The following NELFE variants were observed in gnomAD, a reference collection of about 807,000 sequenced individuals.
NELFE encodes negative elongation factor complex member E.
A neutral mutation model predicts 55.5 loss-of-function variants in NELFE; 26 were observed. That is an observed-to-expected ratio of 0.47 (90% confidence interval 0.34 to 0.65). The LOEUF (loss-of-function observed/expected upper bound fraction) is 0.65. NELFE is among the 30% of genes least tolerant of loss of function. NELFE has a pLI of 0.01. For synonymous variants in NELFE, 162 were observed against 178.0 expected, an observed-to-expected ratio of 0.91 and a Z score of 0.72; for missense variants, 403 against 506.9, an observed-to-expected ratio of 0.80 and a Z score of 1.97.
Position 31,952,312 on chromosome 6 carries a change from C to T in NELFE, c.1132G>A (p.Asp378Asn). ...SDDVYKENLV[D>N]GF is the part of the protein sequence containing the mutation. ...TCCAGCTCTGTTCCCTAGAAGCCATCCACAAGGTTTTCCTTGTAGACGTCA... is the reference window on the plus strand; with the variant it reads ...TCCAGCTCTGTTCCCTAGAAGCCATTCACAAGGTTTTCCTTGTAGACGTCA... Residue 378 changes from aspartate to asparagine, a missense_variant, in exon 11 of 11, where the codon GAT becomes AAT. Asp to Asn is a conservative substitution (Grantham distance 23). Coordinates refer to ENST00000375429, the MANE Select transcript of NELFE (RefSeq NM_002904.6). The T allele has an allele frequency of 6.2e-7, 1 of 1,613,788 alleles. No homozygotes were observed. The highest frequency in any genetic ancestry group is 8.5e-7 in the Non-Finnish European group (1 of 1,179,748).
rs1771825212 is a variant in NELFE at position 31,952,341 on chromosome 6, C to T, written c.1103G>A (p.Ser368Asn). 1 of 1,614,156 alleles carries T rather than the reference C, an allele frequency of 6.2e-7. No homozygotes were observed. Among genetic ancestry groups the T allele is most frequent in the Non-Finnish European group, 8.5e-7 (1 of 1,180,004 alleles). ...HRDKRTQIVY[S>N]DDVYKENLVD... ...AAGGTTTTCCTTGTAGACGTCATCA[C>T]TGTAGACAATCTGGGTCCTCTTGTC... Residue 368 changes from serine (S) to asparagine (N), a missense_variant, in exon 11 of 11, where the codon AGT becomes AAT. Around this residue, in one of 3 missense-constraint regions of NELFE, gnomAD observed 77 missense variants for 123.3 expected, o/e 0.62. Coordinates refer to ENST00000375429, the MANE Select transcript of NELFE (RefSeq NM_002904.6).
intron 9 of NELFE, 61 bp from the exon 10 acceptor site, chr6:31,953,892 G>A: frequency 6.8e-7 from 1 of 1,472,786 alleles, no homozygotes; most frequent in Non-Finnish European, 9.5e-7. Context: ...AACCAAAGAA[G>A]TTATTCCAGG....
chr6:31,956,324 C>T (rs1334574145), intron 4 of NELFE, among the ~76,000 whole-genome samples: 1 of 152,202 alleles, frequency 6.6e-6, no homozygotes, highest in Admixed American at 6.5e-5. Flanking sequence ...GATCTGCCCA[C>T]CTCAGCCTCC....
chr6:31,958,500 C>A (rs1772236181), intron 1 of NELFE, 46 bp from the exon 2 acceptor site: 1 of 1,536,722 alleles, frequency 6.5e-7, no homozygotes. Context: ...ACTGTTACCA[C>A]CCGGGGTTCA....
chr6:31,953,957 G>A, intron 9 of NELFE, 123 bp downstream of exon 9: 2 of 1,340,468 alleles, frequency 1.5e-6, no homozygotes, highest in South Asian at 2.4e-5. Flanking sequence ...GAGTTTTTCT[G>A]TGTGAATAGG....
intron 4 of NELFE, among the ~76,000 whole-genome samples, chr6:31,956,287 G>A (rs1772085453): frequency 6.6e-6 from 1 of 150,578 alleles, no homozygotes; most frequent in South Asian, 2.1e-4. Flanking sequence ...TGTTGGCCAG[G>A]TTGGTCTTAA....
At chr6:31,955,554 T>A (rs1017673058) in intron 4 of NELFE, among the ~76,000 whole-genome samples, 4 of 149,660 alleles carry the variant, frequency 2.7e-5, no homozygotes, top group African/African-American at 9.9e-5. Flanking sequence ...GCTCAAGCAA[T>A]CCTCCTACCT....
rs752972860 is a variant in NELFE, at chr6:31,954,797, T to G, written c.500A>C (p.Asp167Ala). 2.5e-6 allele frequency: 4 copies of G among 1,608,600 alleles called. No homozygotes were observed. The highest frequency in any genetic ancestry group is 3.4e-6 in the Non-Finnish European group (4 of 1,178,148). The change falls in exon 7 of 11, where the codon GAC (aspartate) becomes GCC (alanine). Residue 167 changes from aspartate (D) to alanine (A), a missense_variant. By Grantham distance (126) the Asp-to-Ala change is moderately radical. Around this residue, in one of 3 missense-constraint regions of NELFE, gnomAD observed 229 missense variants for 228.3 expected, o/e 1.00. Transcript: ENST00000375429. The surrounding 1 kb of genome is among the most constrained non-coding windows in gnomAD (Gnocchi z 5.5). The stretch of plus-strand genomic sequence containing the variant: ...ACCACTGCGTTCTTCATAGCCCCAG[T>G]CAAAGCTTCGAGGGGGACCATCACC... ...GAGDGPPRSF[D>A]WGYEERSGAH...
At chr6:31,956,098 T>G (rs1234579199) in intron 4 of NELFE, among the ~76,000 whole-genome samples, 1 of 151,914 alleles carries the variant, frequency 6.6e-6, no homozygotes, top group Non-Finnish European at 1.5e-5. Flanking sequence ...GCCCGGCTAA[T>G]TTTTGTATTT....
chr6:31,956,448 T>G (rs1772094014), intron 4 of NELFE, among the ~76,000 whole-genome samples: 1 of 152,230 alleles, frequency 6.6e-6, no homozygotes, highest in Admixed American at 6.5e-5. Context: ...TGATAACATT[T>G]TCAGCCCTTT....
At chr6:31,958,291 C>T (rs552956684) in intron 2 of NELFE, 81 bp downstream of exon 2, 1 of 1,344,520 alleles carries the variant, frequency 7.4e-7, no homozygotes, top group Admixed American at 1.7e-5. Context: ...AAAACTTCCC[C>T]ATTCGCTCAC....
chr6:31,952,685 CA>C (rs1771844504), intron 10 of NELFE, among the ~76,000 whole-genome samples: 11 of 152,254 alleles, frequency 7.2e-5, no homozygotes, highest in Admixed American at 7.2e-4. Context: ...GTCAGTATGT[CA>C]GAAGCTAAAA....
rs1284480951 is a variant in NELFE at position 31,952,189 on chromosome 6, A to G, written c.*112T>C. On this transcript the variant is annotated 3_prime_UTR_variant, in exon 11 of 11. Coordinates refer to ENST00000375429, the MANE Select transcript of NELFE (RefSeq NM_002904.6). ...AGCCGTTTTTAAAGGTTTAACCCCA[A>G]TCCCAAGTGCTGAAAAACCAGAGGC... The G allele has an allele frequency of 1.4e-6, 2 of 1,418,466 alleles. No homozygotes were observed. The highest frequency in any genetic ancestry group is 2.0e-6 in the Non-Finnish European group (2 of 1,016,200). The allele number at this position is 1,418,466 out of a possible 1,614,324, so 87.9% of individuals were successfully genotyped here. A position where few individuals can be genotyped will look rare whatever the true frequency, so the allele number is the denominator to read the frequency against.
At position 31,955,238 on chromosome 6, in the gene NELFE, G is replaced by C; in HGVS notation, c.347C>G (p.Ala116Gly). 1 of 1,607,356 alleles carries C rather than the reference G, an allele frequency of 6.2e-7. No individual in the cohort carries two copies. ...CTTTACCTCTTGCAGGTCATCATCAGCAGATATGCTCCTCTGGAACGGCTG... is the reference window on the plus strand; with the variant it reads ...CTTTACCTCTTGCAGGTCATCATCACCAGATATGCTCCTCTGGAACGGCTG... ...TFQPFQRSIS[A>G]DDDLQESSRR... Residue 116 changes from alanine to glycine, a missense_variant, in exon 5 of 11, where the codon GCT becomes GGT. By Grantham distance (60) the Ala-to-Gly change is moderately conservative. Transcript: ENST00000375429.
intron 2 of NELFE, chr6:31,957,395 G>A: frequency 2.0e-6 from 1 of 495,350 alleles, no homozygotes; most frequent in Non-Finnish European, 4.0e-6. Flanking sequence ...GGGATATCCA[G>A]GAGGCTAATG....
rs1772211593 is a variant in NELFE, at chr6:31,958,227, G to A, written c.75+145C>T. 4.1e-6 allele frequency: 3 copies of A among 731,256 alleles called. No homozygotes were observed. The East Asian group carries it at 7.6e-5, about 19-fold the overall frequency. The allele number at this position is 731,256 out of a possible 1,614,324, so 45.3% of individuals were successfully genotyped here. ...AAGGTCCACACCAAGGCTTGGGAAA[G>A]CCCACCTCTCGAAGCTACACTGTGA... On this transcript the variant is annotated intron_variant, in intron 2 of 10. Coordinates refer to ENST00000375429, the MANE Select transcript of NELFE (RefSeq NM_002904.6).
chr6:31,958,456 T>G lies in NELFE; in HGVS notation c.-8-2A>C, dbSNP rs1398902752. The G allele has an allele frequency of 6.2e-7, 1 of 1,612,680 alleles. No homozygotes were observed. On this transcript the variant is annotated splice_acceptor_variant, in intron 1 of 10. Transcript: ENST00000375429. LOFTEE classifies it low-confidence loss of function (5UTR_SPLICE). ...GGGGTATCACCAACATGGTGGCTCC[T>G]AGTTCAGGGGCAGGGCCCAAGACAT...
chr6:31,955,367 C>T lies in NELFE; in HGVS notation c.292-74G>A, dbSNP rs145246255. The T allele has an allele frequency of 1.1e-3, 1,075 of 1,017,834 alleles. 9 individuals carry two copies. The Middle Eastern group carries it at 0.018, about 17-fold the overall frequency. 63.1% of individuals were successfully genotyped at this position (1,017,834 alleles called of 1,614,324 possible). On this transcript the variant is annotated intron_variant, in intron 4 of 10. Transcript: ENST00000375429. Reference sequence around the variant, plus strand: ...CCATGGACCAGAGGTGTTCCTCTTCCCTCACCCTCTTCTAGGTTTCCTCTG... The same window carrying T: ...CCATGGACCAGAGGTGTTCCTCTTCTCTCACCCTCTTCTAGGTTTCCTCTG...
chr6:31,954,141 T>C lies in NELFE; in HGVS notation c.888-7A>G, dbSNP rs768110190. 7 of 1,613,960 alleles carry C rather than the reference T, an allele frequency of 4.3e-6. No homozygotes were observed. The highest frequency in any genetic ancestry group is 1.7e-5 in the Admixed American group (1 of 60,016). ...ATAGGTGACGAAGGCACAGCTGGGA[T>C]AAGAGAAAACACGGTCAGTGGAGAG... On this transcript the variant is annotated splice_polypyrimidine_tract_variant and splice_region_variant and intron_variant, in intron 8 of 10. Coordinates refer to ENST00000375429, the MANE Select transcript of NELFE (RefSeq NM_002904.6). The surrounding 1 kb of genome is among the most constrained non-coding windows in gnomAD (Gnocchi z 5.5).
Sources: gnomAD v4.1 joint callset for allele counts (sites outside exome capture counted in the v4.1 genomes callset) on GRCh38, gnomAD v4.1.1 for gene constraint, gnomAD v4.1.1 regional missense constraint, Gnocchi (gnomAD v3.1) non-coding constraint, MANE v1.5 for transcripts, NCBI Gene and HGNC (gene_info 2026-07-23, HGNC 2026-07-21) for gene names.